Variants in C11orf65 observed in about 807,000 individuals in gnomAD.
C11orf65 encodes protein MFI.
C11orf65 carries 38 observed loss-of-function variants against 35.3 expected under a neutral mutation model. That is an observed-to-expected ratio of 1.08 (90% CI 0.83 to 1.41). The LOEUF is 1.41. C11orf65 is among the 40% of genes most tolerant of loss of function. The probability of loss-of-function intolerance (pLI) is 0.00; values close to 1 mark genes in which losing one functional copy is unlikely to be tolerated. For missense variants in C11orf65, 370 were observed against 367.1 expected (o/e 1.01, Z -0.06); for synonymous variants, 105 against 114.4 (o/e 0.92, Z 0.53).
downstream of C11orf65, chr11:108,328,974 A>G (rs1417168108): frequency 1.3e-6 from 2 of 1,528,584 alleles, no homozygotes; most frequent in Non-Finnish European, 1.8e-6. Flanking sequence ...CTTTAGATGT[A>G]TTTAGTATTT....
At chr11:108,353,097 T>C (rs143991420) in intron 2 of C11orf65, among the ~76,000 whole-genome samples, 10 of 152,316 alleles carry the variant, frequency 6.6e-5, no homozygotes, top group Non-Finnish European at 1.0e-4. Context: ...GATGATCTTT[T>C]CTGTATGATT....
At chr11:108,442,027 C>T (rs547625082) in intron 2 of C11orf65, among the ~76,000 whole-genome samples, 3 of 152,156 alleles carry the variant, frequency 2.0e-5, no homozygotes, top group East Asian at 1.9e-4. Flanking sequence ...CAAACTTCTC[C>T]GAGCTAAAGG....
At chr11:108,378,142 A>G (rs1347565753), downstream of C11orf65, among the ~76,000 whole-genome samples, 1 of 152,238 alleles carries the variant, frequency 6.6e-6, no homozygotes, top group Non-Finnish European at 1.5e-5. Flanking sequence ...TTTAAAGTTC[A>G]TATGGAACCA....
At chr11:108,384,991 C>G (rs1212511349) in intron 8 of C11orf65, among the ~76,000 whole-genome samples, 1 of 152,146 alleles carries the variant, frequency 6.6e-6, no homozygotes, top group African/African-American at 2.4e-5. Context: ...ACTGGCAGAA[C>G]AATAGTGGCC....
At chr11:108,406,682 AT>A in intron 5 of C11orf65, 80 bp downstream of exon 5, 2 of 933,824 alleles carry the variant, frequency 2.1e-6, no homozygotes, top group East Asian at 2.8e-5. Flanking sequence ...ATTTTAAAAA[AT>A]AATTTTAAAA....
rs1033997532 is a variant in C11orf65, at chr11:108,383,134, C to T, written c.829G>A (p.Gly277Arg). The stretch of plus-strand genomic sequence containing the variant: ...ATTTGCATCTTTGATATGTCTCCTC[C>T]ATAGTTATATATGTTTTTCTGTGCT... ...NQAQKNIYNY[G>R]GDISKMQMGI... The change falls in exon 9 of 9, where the codon GGA becomes AGA. Residue 277 changes from glycine (G) to arginine (R), a missense_variant. Gly to Arg is a moderately radical substitution (Grantham distance 125, BLOSUM62 -2). Coordinates refer to ENST00000393084, the MANE Select transcript of C11orf65 (RefSeq NM_152587.5). The T allele has an allele frequency of 6.2e-7, 1 of 1,608,990 alleles. No individual in the cohort carries two copies. Among genetic ancestry groups the T allele is most frequent in the African/African-American group, 1.3e-5 (1 of 74,608 alleles).
In C11orf65 at chr11:108,456,793, G is replaced by C. The variant is rs1264245531; in HGVS notation, c.81+4686C>G. Among the ~76,000 whole-genome samples, 4 of 149,150 alleles carry C rather than the reference G, an allele frequency of 2.7e-5. 1 individual carries two copies. The South Asian group carries it at 8.4e-4, about 31-fold the overall frequency. On this transcript the variant is annotated intron_variant, in intron 2 of 8. Transcript: ENST00000393084. ...CCCTATCAAAGAAAGAAAAAAAAAA[G>C]AAAGAAAGAAAGGAAAGAAGGAAAG...
At chr11:108,358,502 C>A (rs2090314472) in intron 2 of C11orf65, among the ~76,000 whole-genome samples, 1 of 148,644 alleles carries the variant, frequency 6.7e-6, no homozygotes, top group African/African-American at 2.5e-5. Flanking sequence ...GTCAGATTCA[C>A]CAAAGTTGAA....
At chr11:108,416,710 A>C (rs2092737448) in intron 3 of C11orf65, among the ~76,000 whole-genome samples, 1 of 151,950 alleles carries the variant, frequency 6.6e-6, no homozygotes, top group Non-Finnish European at 1.5e-5. Flanking sequence ...ACAATGAGAT[A>C]CCTCTATACA....
At chr11:108,364,275 C>G (rs112842000) in intron 2 of C11orf65, among the ~76,000 whole-genome samples, 102 of 152,240 alleles carry the variant, frequency 6.7e-4, no homozygotes, top group Admixed American at 1.2e-3. Context: ...TTTATATTGT[C>G]TCCACTTATT....
intron 1 of C11orf65, among the ~76,000 whole-genome samples, chr11:108,464,906 C>G (rs2093516518): frequency 6.6e-6 from 1 of 151,360 alleles, no homozygotes; most frequent in Admixed American, 6.6e-5. Context: ...CCAAACTGTC[C>G]TCAAAAATGG....
chr11:108,345,655 T>C (rs1395707453), intron 2 of C11orf65: 6 of 1,115,652 alleles, frequency 5.4e-6, no homozygotes, highest in Middle Eastern at 3.0e-4. Flanking sequence ...ATTGCCCCTA[T>C]ATCTGTCATA....
chr11:108,366,045 A>G (rs910689990), intron 2 of C11orf65: 1 of 175,848 alleles, frequency 5.7e-6, no homozygotes. Flanking sequence ...AAAAAAAAAA[A>G]AAACAGAAAC....
At chr11:108,433,173 G>C (rs889432809) in intron 2 of C11orf65, among the ~76,000 whole-genome samples, 1 of 151,972 alleles carries the variant, frequency 6.6e-6, no homozygotes, top group African/African-American at 2.4e-5. Context: ...GTACCAAAGA[G>C]AGACTGGGTG....
Position 108,325,372 on chromosome 11 carries a change from T to C in C11orf65, c.641-16301A>G. On this transcript the variant is annotated intron_variant, in intron 6 of 6. Coordinates refer to the C11orf65 transcript ENST00000525729. ...AAGTGGCAGAAACACTCCCAGCTTC[T>C]CAAGGACAGTGATTTTAGTTTTCAG... is the stretch of plus-strand genomic sequence containing the variant. The C allele has an allele frequency of 1.2e-6, 2 of 1,613,184 alleles. No homozygotes were observed. Among genetic ancestry groups the C allele is most frequent in the Non-Finnish European group, 1.7e-6 (2 of 1,179,786 alleles).
At chr11:108,437,094 C>CAAAAA (rs34835160) in intron 2 of C11orf65, among the ~76,000 whole-genome samples, 2 of 72,384 alleles carry the variant, frequency 2.8e-5, no homozygotes, top group Non-Finnish European at 5.1e-5. Flanking sequence ...CCCATTACGA[C>CAAAAA]AAAAAAAAAA....
chr11:108,313,457 C>A (rs1000220936), intron 6 of C11orf65, among the ~76,000 whole-genome samples: 6 of 152,198 alleles, frequency 3.9e-5, no homozygotes, highest in Admixed American at 6.5e-5. Flanking sequence ...TTGCTAATGT[C>A]TCTCATAAAC....
intron 2 of C11orf65, among the ~76,000 whole-genome samples, chr11:108,342,670 A>G (rs1242423354): frequency 6.6e-6 from 1 of 152,164 alleles, no homozygotes; most frequent in Non-Finnish European, 1.5e-5. Context: ...CATTTTCTAT[A>G]CTTTATGTAT....
intron 2 of C11orf65, chr11:108,367,537 T>A (rs1591395173): frequency 9.7e-6 from 2 of 205,498 alleles, no homozygotes; most frequent in East Asian, 1.5e-4. Flanking sequence ...TTAGTGAGTA[T>A]AATCTCTTCT....
Sources: gnomAD v4.1 joint callset for allele counts (sites outside exome capture counted in the v4.1 genomes callset) on GRCh38, gnomAD v4.1.1 for gene constraint, MANE v1.5 for transcripts, NCBI Gene and HGNC (gene_info 2026-07-23, HGNC 2026-07-21) for gene names.